The following TREH variants were observed in gnomAD, a reference collection of about 807,000 sequenced individuals.
TREH encodes alpha,alpha-trehalose glucohydrolase.
In TREH, 69 loss-of-function variants were observed where a neutral mutation model predicts 80.5. The observed-to-expected ratio is 0.86, with a 90% CI of 0.71 to 1.05. TREH has a LOEUF of 1.05. Ranked by LOEUF, TREH falls within the 50% of genes least tolerant of loss-of-function variation. The pLI, the probability that TREH is intolerant of heterozygous loss-of-function variation, is 0.00. For synonymous variants in TREH, 309 were observed against 293.5 expected (o/e 1.05, Z -0.54); for missense variants, 716 against 718.8 (o/e 1.00, Z 0.04).
intron 1 of TREH, among the ~76,000 whole-genome samples, chr11:118,664,098 T>C (rs1949354482): frequency 6.6e-6 from 1 of 152,090 alleles, no homozygotes; most frequent in Non-Finnish European, 1.5e-5. Flanking sequence ...AAGGAGGTGC[T>C]AATGGTATTC....
rs1555144366 is a variant in TREH, at chr11:118,659,485, G to A, written c.1321-4C>T. On this transcript the variant is annotated splice_region_variant and splice_polypyrimidine_tract_variant and intron_variant, in intron 11 of 14. Coordinates refer to ENST00000264029, the MANE Select transcript of TREH (RefSeq NM_007180.3). The stretch of plus-strand genomic sequence containing the variant: ...GGTAAGTCAGGATCCGGTTGTCCTA[G>A]AAGGTCCCAGACATTCCCATGACTG... 6.3e-7 allele frequency: 1 copy of A among 1,575,990 alleles called. No individual in the cohort carries two copies. The highest frequency in any genetic ancestry group is 8.6e-7 in the Non-Finnish European group (1 of 1,159,790).
intron 14 of TREH, 75 bp downstream of exon 14, chr11:118,658,605 G>C (rs1419969854): frequency 6.5e-7 from 1 of 1,540,726 alleles, no homozygotes; most frequent in African/African-American, 1.4e-5. Context: ...GCACACTGAG[G>C]CCTGGGGCGG....
intron 1 of TREH, among the ~76,000 whole-genome samples, chr11:118,675,200 C>A (rs1288742750): frequency 6.6e-6 from 1 of 152,198 alleles, no homozygotes; most frequent in Non-Finnish European, 1.5e-5. Flanking sequence ...TCATCCCCTG[C>A]CCTTTCAACT....
Position 118,657,836 on chromosome 11 carries a change from C to G in TREH, c.*453G>C, listed in dbSNP as rs1555143140. 2 of 164,896 alleles carry G rather than the reference C, an allele frequency of 1.2e-5. No individual in the cohort carries two copies. The highest frequency in any genetic ancestry group is 4.8e-5 in the African/African-American group (2 of 41,760). The allele number at this position is 164,896 out of a possible 1,614,324, so 10.2% of individuals were successfully genotyped here. A position where few individuals can be genotyped will look rare whatever the true frequency, so the allele number is the denominator to read the frequency against. On this transcript the variant is annotated 3_prime_UTR_variant, in exon 15 of 15. Coordinates refer to ENST00000264029, the MANE Select transcript of TREH (RefSeq NM_007180.3). Reference sequence around the variant, plus strand: ...GTGCCGCCGCCCTTCCTTCAGCCTCCGAAGGGTGATGGAAATGGAGAGTGG... The same window carrying G: ...GTGCCGCCGCCCTTCCTTCAGCCTCGGAAGGGTGATGGAAATGGAGAGTGG...
In TREH at chr11:118,661,518, G is replaced by T. The variant is rs781803902; in HGVS notation, c.618-9C>A. Reference sequence around the variant, plus strand: ...TGGGGACATGCCCATAGCTGCCAAGGGGAAGGCCTGCTGAGATGCCCTCTC... The same window carrying T: ...TGGGGACATGCCCATAGCTGCCAAGTGGAAGGCCTGCTGAGATGCCCTCTC... On this transcript the variant is annotated splice_polypyrimidine_tract_variant and intron_variant, in intron 6 of 14. Coordinates refer to ENST00000264029, the MANE Select transcript of TREH (RefSeq NM_007180.3). The surrounding 1 kb of genome is among the most constrained non-coding windows in gnomAD (Gnocchi z 4.2). 1.6e-5 allele frequency: 26 copies of T among 1,613,006 alleles called. No homozygotes were observed. In the Admixed American group the frequency reaches 2.5e-4, roughly 16 times the overall value.
At position 118,659,396 on chromosome 11, in the gene TREH, GC is replaced by G. The variant is rs1358778941; in HGVS notation, c.1405del (p.Ala469ProfsTer76). On this transcript the variant is annotated frameshift_variant, in exon 12 of 15. Coordinates refer to ENST00000264029, the MANE Select transcript of TREH (RefSeq NM_007180.3). LOFTEE classifies it high-confidence loss of function. The part of the protein sequence containing the change: ...GQQWDFPNAW[A>X]PLQDLVIRGL... Reference sequence around the variant, plus strand: ...TCTGATGACCAGGTCCTGCAGGGGGGCCCAGGCATTGGGGAAATCCCACTGC... The same window carrying G: ...TCTGATGACCAGGTCCTGCAGGGGGGCCAGGCATTGGGGAAATCCCACTGC... 1.9e-6 allele frequency: 3 copies of G among 1,596,232 alleles called. No individual in the cohort carries two copies. The highest frequency in any genetic ancestry group is 2.6e-6 in the Non-Finnish European group (3 of 1,170,432).
chr11:118,679,423 T>G, intron 1 of TREH, 116 bp downstream of exon 1: 1 of 1,264,128 alleles, frequency 7.9e-7, no homozygotes, highest in Non-Finnish European at 1.0e-6. Flanking sequence ...TCCCTACTCT[T>G]TCCTTCCTTT....
rs539708850 is a variant in TREH, at chr11:118,662,005, G to C, written c.424-15C>G. The C allele has an allele frequency of 4.5e-6, 7 of 1,544,716 alleles. No homozygotes were observed. The Admixed American group carries it at 1.4e-4, about 30-fold the overall frequency. On this transcript the variant is annotated splice_polypyrimidine_tract_variant and intron_variant, in intron 4 of 14. Transcript: ENST00000264029. ...TCTGGCTTCATCTGGAGTCGGGAGA[G>C]AGGGCAAGGGGAGCCTAGAATCCCC...
chr11:118,661,123 G>T lies in TREH; in HGVS notation c.857+37C>A. 6.2e-7 allele frequency: 1 copy of T among 1,613,476 alleles called. No individual in the cohort carries two copies. Among genetic ancestry groups the T allele is most frequent in the South Asian group, 1.1e-5 (1 of 91,024 alleles). On this transcript the variant is annotated intron_variant, in intron 8 of 14. Coordinates refer to ENST00000264029, the MANE Select transcript of TREH (RefSeq NM_007180.3). The surrounding 1 kb of genome is among the most constrained non-coding windows in gnomAD (Gnocchi z 4.2). ...TGTGATGCTCTAACCAGAGTGAGCA[G>T]GTAAGAGATTGAGGGGTGGGCTGCC...
At chr11:118,660,784 C>T in intron 9 of TREH, 51 bp from the exon 10 acceptor site, 2 of 1,547,284 alleles carry the variant, frequency 1.3e-6, no homozygotes, top group South Asian at 1.2e-5. Flanking sequence ...GGATAGGCAG[C>T]CATTGACAGG....
chr11:118,663,508 G>A, intron 1 of TREH, 69 bp from the exon 2 acceptor site: 1 of 1,301,266 alleles, frequency 7.7e-7, no homozygotes, highest in Non-Finnish European at 1.1e-6. Context: ...GAGAAGGCTA[G>A]AGTCTGTGGT....
rs1949455947 is a variant in TREH, at chr11:118,674,213, G to A, written c.89+5326C>T. ...AATTTCAAATAATGTCTGATAGCAA[G>A]CTAATAATTACCTCTCACATGGAAA... On this transcript the variant is annotated intron_variant, in intron 1 of 14. Transcript: ENST00000264029. This position sits in a 1 kb window ranked among gnomAD's most constrained non-coding sequence, Gnocchi z 4.4. Among the ~76,000 whole-genome samples the A allele has an allele frequency of 6.6e-6, 1 of 152,162 alleles. No homozygotes were observed. The highest frequency in any genetic ancestry group is 1.5e-5 in the Non-Finnish European group (1 of 68,022).
chr11:118,678,081 C>T (rs1270901756), intron 1 of TREH, among the ~76,000 whole-genome samples: 12 of 152,224 alleles, frequency 7.9e-5, no homozygotes, highest in East Asian at 3.9e-4. Context: ...CCTGGAGCCC[C>T]GCTCTCCCCG....
intron 10 of TREH, among the ~76,000 whole-genome samples, 171 bp from the exon 11 acceptor site, chr11:118,660,135 G>A (rs1366888829): frequency 6.6e-6 from 1 of 152,214 alleles, no homozygotes; most frequent in Non-Finnish European, 1.5e-5. Flanking sequence ...CTGGCCTATG[G>A]CCCCGCACTG....
At position 118,659,918 on chromosome 11, in the gene TREH, G is replaced by A. The variant is rs1949298068; in HGVS notation, c.1149C>T (p.Arg383=). The change falls in exon 11 of 15, where the codon CGC becomes CGT. Residue 383 remains arginine (R), a synonymous_variant. Transcript: ENST00000264029. The part of the protein sequence containing the change: ...ATKYRILRSQ[R]LAALNTVLWD... ...ACAGGACTGTGTTCAGGGCGGCCAA[G>A]CGCTGCGACCGCAGGATTCTGTACT... 2 of 1,551,766 alleles carry A rather than the reference G, an allele frequency of 1.3e-6. No individual in the cohort carries two copies. Among genetic ancestry groups the A allele is most frequent in the Non-Finnish European group, 1.7e-6 (2 of 1,147,028 alleles).
In TREH at chr11:118,663,384, G is replaced by T; in HGVS notation, c.145C>A (p.Gln49Lys). ...LNQVQMAKLYQDDKQFVDMPL... is the reference protein window; with the variant it reads ...LNQVQMAKLYKDDKQFVDMPL... Reference sequence around the variant, plus strand: ...ATGTCCACAAACTGCTTGTCATCCTGGTAGAGCTTGGCCATTTGAACTTGG... The same window carrying T: ...ATGTCCACAAACTGCTTGTCATCCTTGTAGAGCTTGGCCATTTGAACTTGG... Residue 49 changes from glutamine to lysine, a missense_variant, in exon 2 of 15, where the codon CAG becomes AAG. Transcript: ENST00000264029. The T allele has an allele frequency of 6.3e-7, 1 of 1,597,674 alleles. No homozygotes were observed. Among genetic ancestry groups the T allele is most frequent in the Non-Finnish European group, 8.5e-7 (1 of 1,172,074 alleles).
chr11:118,658,334 C>T lies in TREH; in HGVS notation c.1707G>A (p.Ala569=), dbSNP rs72488014. 59 of 1,594,236 alleles carry T rather than the reference C, an allele frequency of 3.7e-5. No homozygotes were observed. Among genetic ancestry groups the T allele is most frequent in the African/African-American group, 5.4e-5 (4 of 74,630 alleles). The change falls in exon 15 of 15, where the codon GCG becomes GCA. Residue 569 remains alanine (A), a synonymous_variant. Transcript: ENST00000264029. ...GCAGGAGGCTGGGCAGAAGGGTGGCCGCCAGGCAGTGGGGCTCCAGGAAAG... is the reference window on the plus strand; with the variant it reads ...GCAGGAGGCTGGGCAGAAGGGTGGCTGCCAGGCAGTGGGGCTCCAGGAAAG... ...KLAFLEPHCL[A]ATLLPSLLLS...
intron 10 of TREH, 54 bp downstream of exon 10, chr11:118,660,485 A>G: frequency 6.6e-7 from 1 of 1,512,678 alleles, no homozygotes; most frequent in South Asian, 1.3e-5. Context: ...TCTATTGCCA[A>G]GCCTGAGCAG....
In TREH at chr11:118,661,701, G is replaced by A. The variant is rs1555145020; in HGVS notation, c.553C>T (p.Leu185Phe). The change falls in exon 6 of 15, where the codon CTC (leucine) becomes TTC (phenylalanine). Residue 185 changes from leucine (L) to phenylalanine (F), a missense_variant. Physicochemically the swap from Leu to Phe is conservative, Grantham distance 22. Transcript: ENST00000264029. The surrounding 1 kb of genome is among the most constrained non-coding windows in gnomAD (Gnocchi z 4.2). ...WDSYWVMEGL[L>F]LSEMAETVKG... is the part of the protein sequence containing the mutation. ...ACCGTCTCAGCCATCTCTGAGAGGA[G>A]CAGACCCTCCATGACCCAGTAGGAG... 1 of 1,613,984 alleles carries A rather than the reference G, an allele frequency of 6.2e-7. No homozygotes were observed. The highest frequency in any genetic ancestry group is 8.5e-7 in the Non-Finnish European group (1 of 1,179,900).
Sources: gnomAD v4.1 joint callset for allele counts (sites outside exome capture counted in the v4.1 genomes callset) on GRCh38, gnomAD v4.1.1 for gene constraint, Gnocchi (gnomAD v3.1) non-coding constraint, MANE v1.5 for transcripts, NCBI Gene and HGNC (gene_info 2026-07-23, HGNC 2026-07-21) for gene names.